Variants in DORIP1 observed in about 807,000 individuals in gnomAD.
DORIP1 encodes the protein dopamine receptor interacting protein 1.
chr14:44,898,062 G>A, the DORIP1 span, among the ~76,000 whole-genome samples: 587 of 152,282 alleles, frequency 3.9e-3, 8 homozygotes, highest in African/African-American at 0.013. Context: ...AAGAAATAGA[G>A]GTCAGGAGAG....
the DORIP1 span, chr14:44,903,129 G>A: frequency 9.8e-7 from 1 of 1,020,964 alleles, no homozygotes; most frequent in Non-Finnish European, 1.5e-6. Flanking sequence ...ATAAAGGACT[G>A]AGCTGTAAAA....
At chr14:44,904,301 TATAAG>T in the DORIP1 span, 1 of 1,499,900 alleles carries the variant, frequency 6.7e-7, no homozygotes, top group Non-Finnish European at 8.9e-7. Flanking sequence ...AATAGATAAT[TATAAG>T]AAAATTAAAG....
the DORIP1 span, among the ~76,000 whole-genome samples, chr14:44,902,714 A>G: frequency 6.6e-6 from 1 of 152,134 alleles, no homozygotes; most frequent in South Asian, 2.1e-4. Flanking sequence ...ATTGAATAAA[A>G]TATTTTTCAT....
the DORIP1 span, chr14:44,906,339 T>C: frequency 6.6e-6 from 1 of 152,094 alleles, no homozygotes; most frequent in South Asian, 2.1e-4. Flanking sequence ...ATAAACAATA[T>C]TAGGCAACTG....
At chr14:44,903,264 C>G in the DORIP1 span, 1 of 1,613,410 alleles carries the variant, frequency 6.2e-7, no homozygotes, top group Non-Finnish European at 8.5e-7. Context: ...ATGAGTTATT[C>G]TGTTCCAAGA....
chr14:44,903,471 G>A, the DORIP1 span: 8 of 1,277,978 alleles, frequency 6.3e-6, no homozygotes, highest in South Asian at 2.0e-4. Context: ...ACAGCTGATT[G>A]ATGAATACAA....
chr14:44,904,806 T>G, the DORIP1 span: 7 of 268,428 alleles, frequency 2.6e-5, no homozygotes, highest in East Asian at 7.2e-5. Flanking sequence ...TTAACCAGTT[T>G]ACATGTCAGT....
At chr14:44,905,534 G>A in the DORIP1 span, 14 of 1,510,866 alleles carry the variant, frequency 9.3e-6, no homozygotes, top group African/African-American at 2.7e-5. Context: ...GTTTATATTC[G>A]AGCAACAGAG....
the DORIP1 span, among the ~76,000 whole-genome samples, chr14:44,899,977 A>C: frequency 6.6e-6 from 1 of 151,850 alleles, no homozygotes; most frequent in Admixed American, 6.6e-5. Context: ...GATTACAGGC[A>C]TGCGCCACCA....
the DORIP1 span, chr14:44,900,268 A>G: frequency 2.0e-6 from 1 of 502,752 alleles, no homozygotes; most frequent in East Asian, 3.3e-5. Flanking sequence ...GAGAGCATGC[A>G]TAGTGCGCGA....
chr14:44,900,699 T>C, the DORIP1 span: 1 of 1,614,054 alleles, frequency 6.2e-7, no homozygotes, highest in Middle Eastern at 1.6e-4. Flanking sequence ...GTAGAGAGTT[T>C]GTAGACTGTT....
the DORIP1 span, among the ~76,000 whole-genome samples, chr14:44,902,692 A>G: frequency 6.6e-6 from 1 of 152,098 alleles, no homozygotes; most frequent in Non-Finnish European, 1.5e-5. Flanking sequence ...TTATAATTCT[A>G]TATTTTATAC....
the DORIP1 span, chr14:44,900,884 T>C: frequency 7.2e-5 from 116 of 1,613,850 alleles, no homozygotes; most frequent in East Asian, 2.1e-3. Context: ...ATGTCTACCA[T>C]TCAAGAGAGT....
chr14:44,907,005 G>A, the DORIP1 span: 1 of 152,336 alleles, frequency 6.6e-6, no homozygotes, highest in Admixed American at 6.6e-5. Context: ...CTTTTCTGGG[G>A]ACACCTGATT....
At chr14:44,903,789 T>C in the DORIP1 span, 34,235 of 974,278 alleles carry the variant, frequency 0.035, 762 homozygotes, top group East Asian at 0.12. Flanking sequence ...GTTCTGTTAA[T>C]TGTACCTATT....
At chr14:44,899,761 GTTTACA>G in the DORIP1 span, among the ~76,000 whole-genome samples, 2 of 150,620 alleles carry the variant, frequency 1.3e-5, no homozygotes, top group African/African-American at 4.9e-5. Flanking sequence ...AGATGAGGAG[GTTTACA>G]TTAGGAATAT....
At chr14:44,907,172 T>G in the DORIP1 span, 1 of 152,636 alleles carries the variant, frequency 6.6e-6, no homozygotes, top group Non-Finnish European at 1.5e-5. Flanking sequence ...CTCACAGGGT[T>G]GTTGTGAGGA....
chr14:44,907,256 C>T, the DORIP1 span: 2 of 152,582 alleles, frequency 1.3e-5, no homozygotes, highest in Non-Finnish European at 2.9e-5. Context: ...CTTTTATTTG[C>T]AGGCAAGGCT....
the DORIP1 span, chr14:44,906,530 G>A: frequency 6.6e-6 from 1 of 152,474 alleles, no homozygotes; most frequent in Non-Finnish European, 1.5e-5. Context: ...ATAGCATGCG[G>A]CTTTGACTTG....
Sources: allele counts gnomAD v4.1 joint callset (sites outside exome capture counted in the v4.1 genomes callset), GRCh38; gene constraint gnomAD v4.1.1; transcripts MANE v1.5; gene names NCBI Gene and HGNC (gene_info 2026-07-23, HGNC 2026-07-21).